The following GRAMD4 variants were observed in gnomAD, a reference collection of about 807,000 sequenced individuals.
GRAMD4 encodes GRAM domain-containing protein 4.
In GRAMD4, 25 loss-of-function variants were observed where a neutral mutation model predicts 83.9. The observed-to-expected ratio is 0.30, with a 90% CI of 0.22 to 0.42. The LOEUF is 0.42. Ranked by LOEUF, GRAMD4 falls within the 10% of genes least tolerant of loss-of-function variation. GRAMD4 has a pLI of 1.00. For synonymous variants in GRAMD4, 336 were observed against 320.9 expected (o/e 1.05, Z -0.50); for missense variants, 593 against 788.7 (o/e 0.75, Z 2.97).
chr22:46,592,495 G>A (rs1028530494), intron 1 of GRAMD4, among the ~76,000 whole-genome samples: 1 of 151,820 alleles, frequency 6.6e-6, no homozygotes, highest in Non-Finnish European at 1.5e-5. Context: ...GAGTCATGGC[G>A]AGCAAGGTGA....
chr22:46,603,284 TGCAAGCTCC>T (rs2081330755), intron 1 of GRAMD4, among the ~76,000 whole-genome samples: 1 of 139,576 alleles, frequency 7.2e-6, no homozygotes, highest in Non-Finnish European at 1.5e-5. Context: ...CTCGGCTCAC[TGCAAGCTCC>T]GCCTCCTGGG....
intron 10 of GRAMD4, 74 bp downstream of exon 10, chr22:46,666,947 C>T: frequency 9.2e-7 from 1 of 1,092,602 alleles, no homozygotes; most frequent in South Asian, 1.5e-5. Context: ...GTAGGCACCG[C>T]TCGGGGAAGC....
intron 13 of GRAMD4, chr22:46,670,907 C>CT (rs150662796): frequency 0.11 from 25,249 of 228,848 alleles, 1,671 homozygotes; most frequent in Middle Eastern, 0.18. Context: ...CCGGCCCCTG[C>CT]TGTCCTTTTT....
At position 46,635,710 on chromosome 22, in the gene GRAMD4, T is replaced by A. The variant is rs868397461; in HGVS notation, c.163-2130T>A. ...CTGTGTCCTCCCTGCTCCCCACCCC[T>A]GACCACTCCTGTCCTGGGGGCCCGT... On this transcript the variant is annotated intron_variant, in intron 2 of 18. Transcript: ENST00000406902. 3.3e-4 allele frequency among the ~76,000 whole-genome samples: 25 copies of A among 75,292 alleles called. 1 individual carries two copies. The highest frequency in any genetic ancestry group is 1.5e-3 in the African/African-American group (20 of 13,224). The allele number at this position is 75,292 out of a possible 152,430, so 49.4% of individuals were successfully genotyped here.
intron 2 of GRAMD4, among the ~76,000 whole-genome samples, chr22:46,633,994 G>C (rs1340467051): frequency 6.6e-6 from 1 of 152,232 alleles, no homozygotes; most frequent in Non-Finnish European, 1.5e-5. Context: ...CCTCAGGCCT[G>C]TCTCACCCCC....
At chr22:46,634,945 CAA>C (rs879672333) in intron 2 of GRAMD4, among the ~76,000 whole-genome samples, 9 of 128,314 alleles carry the variant, frequency 7.0e-5, no homozygotes, top group Non-Finnish European at 8.5e-5. Flanking sequence ...TTCACCATCT[CAA>C]AAAAAAAAAA....
intron 2 of GRAMD4, among the ~76,000 whole-genome samples, chr22:46,635,154 C>A (rs892245903): frequency 1.3e-5 from 1 of 77,164 alleles, no homozygotes; most frequent in African/African-American, 4.8e-5. Context: ...CCTGCCTCCA[C>A]CCCTGGCCAC....
downstream of GRAMD4, among the ~76,000 whole-genome samples, chr22:46,680,578 CCATCCATCCATCCATCCACCCACCCATT>C (rs1569313354): frequency 1.6e-4 from 24 of 146,668 alleles, no homozygotes; most frequent in South Asian, 2.2e-4. Flanking sequence ...ATCCATCCAT[CCATCCATCCATCCATCCACCCACCCATT>C]CATCCATCCA....
chr22:46,651,924 G>A (rs1368508837), intron 3 of GRAMD4, among the ~76,000 whole-genome samples: 1 of 152,180 alleles, frequency 6.6e-6, no homozygotes, highest in Non-Finnish European at 1.5e-5. Context: ...CTAAAGGAGG[G>A]CTTCCAGTGG....
At chr22:46,609,377 G>T (rs2081396375) in intron 1 of GRAMD4, among the ~76,000 whole-genome samples, 1 of 152,252 alleles carries the variant, frequency 6.6e-6, no homozygotes, top group Non-Finnish European at 1.5e-5. Context: ...CCAGGGCTTG[G>T]TCCATGTGGG....
intron 4 of GRAMD4, among the ~76,000 whole-genome samples, chr22:46,660,481 C>G (rs1439425182): frequency 6.6e-6 from 1 of 152,072 alleles, no homozygotes; most frequent in Non-Finnish European, 1.5e-5. Context: ...CACAAACATG[C>G]AGACACATGT....
intron 3 of GRAMD4, among the ~76,000 whole-genome samples, chr22:46,644,697 G>GTTTTTTTTTTTTTCTTTTT (rs2082044073): frequency 1.0e-5 from 1 of 97,338 alleles, no homozygotes; most frequent in Non-Finnish European, 2.0e-5. Flanking sequence ...CTTGTTCCCT[G>GTTTTTTTTTTTTTCTTTTT]TTTTTTTTTT....
rs2082396403 is a variant in GRAMD4 at position 46,665,608 on chromosome 22, C to T, written c.718-7C>T. 2.0e-6 allele frequency: 3 copies of T among 1,519,468 alleles called. No homozygotes were observed. In the African/African-American group the frequency reaches 4.1e-5, roughly 21 times the overall value. 94.1% of individuals were successfully genotyped at this position (1,519,468 alleles called of 1,614,324 possible). A position where few individuals can be genotyped will look rare whatever the true frequency, so the allele number is the denominator to read the frequency against. On this transcript the variant is annotated splice_region_variant and splice_polypyrimidine_tract_variant and intron_variant, in intron 8 of 18. Transcript: ENST00000406902. Reference sequence around the variant, plus strand: ...AGGAGGTCTGACGCCCTGTCTCTCACCCGCAGGTGTACATGAATGCCGTGT... The same window carrying T: ...AGGAGGTCTGACGCCCTGTCTCTCATCCGCAGGTGTACATGAATGCCGTGT...
rs1020477412 is a variant in GRAMD4 at position 46,672,704 on chromosome 22, C to T, written c.1085-139C>T. The T allele has an allele frequency of 4.1e-5, 27 of 657,232 alleles. No homozygotes were observed. The highest frequency in any genetic ancestry group is 2.0e-4 in the South Asian group (11 of 54,564). The allele number at this position is 657,232 out of a possible 1,614,324, so 40.7% of individuals were successfully genotyped here. Reference sequence around the variant, plus strand: ...GGGGGTATCCAGGGTGAGGACTGAGCGAGCAGCTGGACTCTCACATCCAGG... The same window carrying T: ...GGGGGTATCCAGGGTGAGGACTGAGTGAGCAGCTGGACTCTCACATCCAGG... On this transcript the variant is annotated intron_variant, in intron 13 of 18. Coordinates refer to ENST00000406902, the MANE Select transcript of GRAMD4 (RefSeq NM_015124.5). The surrounding 1 kb of genome is among the most constrained non-coding windows in gnomAD (Gnocchi z 4.7).
Position 46,678,866 on chromosome 22 carries a change from A to T in GRAMD4, c.*1615A>T. 1 of 986,002 alleles carries T rather than the reference A, an allele frequency of 1.0e-6. No individual in the cohort carries two copies. The highest frequency in any genetic ancestry group is 1.2e-6 in the Non-Finnish European group (1 of 830,018). 61.1% of individuals were successfully genotyped at this position (986,002 alleles called of 1,614,324 possible). Reference sequence around the variant, plus strand: ...CTGCGCCGATCACCAGATTAAGCACATGTCCTATCCCAGGCGGTGGAGCGG... The same window carrying T: ...CTGCGCCGATCACCAGATTAAGCACTTGTCCTATCCCAGGCGGTGGAGCGG... On this transcript the variant is annotated 3_prime_UTR_variant, in exon 19 of 19. Coordinates refer to ENST00000406902, the MANE Select transcript of GRAMD4 (RefSeq NM_015124.5).
chr22:46,584,917 G>A (rs1171885100), intron 1 of GRAMD4, among the ~76,000 whole-genome samples: 1 of 152,236 alleles, frequency 6.6e-6, no homozygotes, highest in African/African-American at 2.4e-5. Flanking sequence ...ACGCTTTAGA[G>A]CTCAGACAAA....
intron 1 of GRAMD4, among the ~76,000 whole-genome samples, chr22:46,578,404 G>GC (rs2147885597): frequency 6.6e-6 from 1 of 152,240 alleles, no homozygotes; most frequent in Admixed American, 6.5e-5. Flanking sequence ...GTGACCTTGG[G>GC]CAAGGTAGTG....
At chr22:46,610,918 A>G (rs899679031) in intron 1 of GRAMD4, among the ~76,000 whole-genome samples, 13 of 152,326 alleles carry the variant, frequency 8.5e-5, no homozygotes, top group African/African-American at 3.1e-4. Context: ...TTTTCTTTAA[A>G]TAAACATCTT....
intron 1 of GRAMD4, among the ~76,000 whole-genome samples, chr22:46,588,683 C>T (rs1270386101): frequency 6.6e-6 from 1 of 152,046 alleles, no homozygotes; most frequent in Non-Finnish European, 1.5e-5. Context: ...TTTCGTCCGT[C>T]CTCCTTCCCC....
Sources: gnomAD v4.1 joint callset for allele counts (sites outside exome capture counted in the v4.1 genomes callset) on GRCh38, gnomAD v4.1.1 for gene constraint, Gnocchi (gnomAD v3.1) non-coding constraint, MANE v1.5 for transcripts, NCBI Gene and HGNC (gene_info 2026-07-23, HGNC 2026-07-21) for gene names.